The following GAA variants were observed in gnomAD, a reference collection of about 807,000 sequenced individuals.
The protein encoded by GAA is lysosomal alpha-glucosidase.
In GAA, 88 loss-of-function variants were observed where a neutral mutation model predicts 103.9. The observed-to-expected ratio is 0.85, with a 90% CI of 0.71 to 1.01. The LOEUF is 1.01. Among genes scored for constraint, GAA ranks in the 50% least tolerant of loss-of-function variants. The pLI is 0.00. For missense variants in GAA, 1,350 were observed against 1,305.3 expected, an observed-to-expected ratio of 1.03 and a Z score of -0.53; for synonymous variants, 572 against 563.1, an observed-to-expected ratio of 1.02 and a Z score of -0.22.
intron 8 of GAA, 101 bp downstream of exon 8, chr17:80,108,929 G>C (rs1567831219): frequency 1.4e-6 from 2 of 1,402,606 alleles, no homozygotes; most frequent in Non-Finnish European, 1.9e-6. Context: ...TGGTCGCCGA[G>C]GATGTTTTCT....
rs1187416921 is a variant in GAA at position 80,112,059 on chromosome 17, G to A, written c.1713G>A (p.Leu571=). 6.2e-7 allele frequency: 1 copy of A among 1,614,068 alleles called. No homozygotes were observed. Among genetic ancestry groups the A allele is most frequent in the South Asian group, 1.1e-5 (1 of 91,090 alleles). ...SHQFLSTHYN[L]HNLYGLTEAI... is the part of the protein sequence containing the mutation. ...AGTTTCTCTCCACACACTACAACCT[G>A]CACAACCTCTACGGCCTGACCGAAG... Residue 571 remains leucine (L), a synonymous_variant, in exon 12 of 20, where the codon CTG becomes CTA. Transcript: ENST00000302262.
At chr17:80,112,216 C>A in intron 12 of GAA, 116 bp downstream of exon 12, 1 of 1,044,548 alleles carries the variant, frequency 9.6e-7, no homozygotes. Context: ...ACCCGGGGCC[C>A]GCTGGCGGCC....
intron 11 of GAA, 34 bp from the exon 12 acceptor site, chr17:80,111,949 A>G (rs1428834156): frequency 1.3e-6 from 2 of 1,583,378 alleles, no homozygotes; most frequent in Non-Finnish European, 1.7e-6. Flanking sequence ...TGCCGGGAGG[A>G]AGCTCCCTGG....
In GAA at chr17:80,101,788, C is replaced by T. The variant is rs999193565; in HGVS notation, c.-135C>T. 5.9e-5 allele frequency: 9 copies of T among 152,214 alleles called. No individual in the cohort carries two copies. The highest frequency in any genetic ancestry group is 7.3e-5 in the Non-Finnish European group (5 of 68,048). 9.4% of individuals were successfully genotyped at this position (152,214 alleles called of 1,614,324 possible). A position where few individuals can be genotyped will look rare whatever the true frequency, so the allele number is the denominator to read the frequency against. On this transcript the variant is annotated 5_prime_UTR_variant, in exon 1 of 20. Coordinates refer to ENST00000302262, the MANE Select transcript of GAA (RefSeq NM_000152.5). ...AGGTAGGACAGTGACCTCGGTGACG[C>T]GAAGGACCCCGGCCACCTCTAGGTT...
chr17:80,116,466 C>T (rs1046119215), intron 15 of GAA, among the ~76,000 whole-genome samples: 12 of 152,344 alleles, frequency 7.9e-5, no homozygotes, highest in African/African-American at 2.6e-4. Context: ...GGCAGAGCTG[C>T]GTCACAGGGC....
In GAA at chr17:80,118,712, G is replaced by A. The variant is rs2039415234; in HGVS notation, c.2706G>A (p.Gln902=). The A allele has an allele frequency of 1.9e-6, 3 of 1,613,348 alleles. No homozygotes were observed. The highest frequency in any genetic ancestry group is 1.6e-4 in the Middle Eastern group (1 of 6,062). The change falls in exon 19 of 20, where the codon CAG becomes CAA. Residue 902 remains glutamine, a synonymous_variant. Transcript: ENST00000302262. ...VTSEGAGLQL[Q]KVTVLGVATA... ...GTGAGGGAGCTGGCCTGCAGCTGCA[G>A]AAGGTGACTGTCCTGGGCGTGGCCA...
intron 8 of GAA, among the ~76,000 whole-genome samples, chr17:80,109,617 A>G (rs2039180513): frequency 1.1e-5 from 1 of 90,924 alleles, no homozygotes; most frequent in African/African-American, 3.3e-5. Context: ...AGGAGTGGAA[A>G]CACAGACTTT....
chr17:80,118,519 C>T, intron 18 of GAA, 134 bp from the exon 19 acceptor site: 3 of 1,370,974 alleles, frequency 2.2e-6, no homozygotes, highest in East Asian at 4.6e-5. Context: ...GTGCACTCTG[C>T]CCTTTCGTGT....
rs767075458 is a variant in GAA at position 80,110,753 on chromosome 17, C to T, written c.1464C>T (p.Pro488=). 24 of 1,613,992 alleles carry T rather than the reference C, an allele frequency of 1.5e-5. 1 individual carries two copies. The highest frequency in any genetic ancestry group is 5.5e-5 in the South Asian group (5 of 91,088). Residue 488 remains proline (P), a synonymous_variant, in exon 10 of 20, where the codon CCC becomes CCT. Coordinates refer to ENST00000302262, the MANE Select transcript of GAA (RefSeq NM_000152.5). The part of the protein sequence containing the change: ...GKVWPGSTAF[P]DFTNPTALAW... ...TATGGCCCGGGTCCACTGCCTTCCCCGACTTCACCAACCCCACAGCCCTGG... is the reference window on the plus strand; with the variant it reads ...TATGGCCCGGGTCCACTGCCTTCCCTGACTTCACCAACCCCACAGCCCTGG...
At chr17:80,119,067 G>T (rs1162882448) in intron 19 of GAA, among the ~76,000 whole-genome samples, 1 of 152,212 alleles carries the variant, frequency 6.6e-6, no homozygotes, top group Non-Finnish European at 1.5e-5. Context: ...GCGTTAAGGT[G>T]ACCCGCACTG....
At chr17:80,118,120 C>T (rs2039399491) in intron 17 of GAA, 73 bp from the exon 18 acceptor site, 2 of 1,539,544 alleles carry the variant, frequency 1.3e-6, no homozygotes, top group Admixed American at 1.8e-5. Context: ...ACCAGCCTAG[C>T]ATTCCCGGGC....
rs1041767114 is a variant in GAA at position 80,111,032 on chromosome 17, T to C, written c.1636+7T>C. ...AACCCACCCTACGTGCCTGGTCAGC[T>C]CGCCCCCCACCTACCCTGGGGACTT... On this transcript the variant is annotated splice_region_variant and intron_variant, in intron 11 of 19. Coordinates refer to ENST00000302262, the MANE Select transcript of GAA (RefSeq NM_000152.5). 2.0e-5 allele frequency: 32 copies of C among 1,613,152 alleles called. No individual in the cohort carries two copies. Among genetic ancestry groups the C allele is most frequent in the Non-Finnish European group, 2.7e-5 (32 of 1,179,776 alleles).
At chr17:80,111,911 TGGG>T in intron 11 of GAA, 69 bp from the exon 12 acceptor site, 1 of 1,297,890 alleles carries the variant, frequency 7.7e-7, no homozygotes, top group African/African-American at 1.4e-5. Flanking sequence ...TCCTGGGAGG[TGGG>T]GGGCAGGGAG....
chr17:80,117,553 G>A lies in GAA; in HGVS notation c.2332-47G>A. ...GAGCGTGGTTCCTGAGGACAGCATG[G>A]GGGCCTCGGCACGGCCCAGAATCCT... On this transcript the variant is annotated intron_variant, in intron 16 of 19. Transcript: ENST00000302262. 10 of 1,608,578 alleles carry A rather than the reference G, an allele frequency of 6.2e-6. 1 individual carries two copies. Among genetic ancestry groups the A allele is most frequent in the Non-Finnish European group, 8.5e-6 (10 of 1,176,094 alleles).
In GAA at chr17:80,112,975, A is replaced by G; in HGVS notation, c.1988A>G (p.Gln663Arg). Residue 663 changes from glutamine to arginine, a missense_variant, in exon 14 of 20, where the codon CAG becomes CGG. Physicochemically the swap from Gln to Arg is conservative, Grantham distance 43. Transcript: ENST00000302262. ...TSEELCVRWTQLGAFYPFMRN... is the reference protein window; with the variant it reads ...TSEELCVRWTRLGAFYPFMRN... The stretch of plus-strand genomic sequence containing the variant: ...GAGGAGCTGTGTGTGCGCTGGACCC[A>G]GCTGGGGGCCTTCTACCCCTTCATG... 6.2e-7 allele frequency: 1 copy of G among 1,610,852 alleles called. No individual in the cohort carries two copies. Among genetic ancestry groups the G allele is most frequent in the Non-Finnish European group, 8.5e-7 (1 of 1,179,124 alleles).
At position 80,112,998 on chromosome 17, in the gene GAA, A is replaced by G. The variant is rs777494709; in HGVS notation, c.2011A>G (p.Met671Val). The change falls in exon 14 of 20, where the codon ATG becomes GTG. Residue 671 changes from methionine (M) to valine (V), a missense_variant. Physicochemically the swap from Met to Val is conservative, Grantham distance 21. Transcript: ENST00000302262. Reference protein sequence around the residue: ...WTQLGAFYPFMRNHNSLLSLP... With the variant: ...WTQLGAFYPFVRNHNSLLSLP... The stretch of plus-strand genomic sequence containing the variant: ...CCAGCTGGGGGCCTTCTACCCCTTC[A>G]TGCGGAACCACAACAGCCTGCTCAG... 10 of 1,610,980 alleles carry G rather than the reference A, an allele frequency of 6.2e-6. No individual in the cohort carries two copies. Among genetic ancestry groups the G allele is most frequent in the Middle Eastern group, 1.7e-4 (1 of 6,054 alleles).
In GAA at chr17:80,105,755, G is replaced by A; in HGVS notation, c.553G>A (p.Asp185Asn). Residue 185 changes from aspartate (D) to asparagine (N), a missense_variant, in exon 3 of 20, where the codon GAT (aspartate) becomes AAT (asparagine). Asp to Asn is a conservative substitution (Grantham distance 23, BLOSUM62 1). Transcript: ENST00000302262. ...TENRLHFTIKDPANRRYEVPL... is the reference protein window; with the variant it reads ...TENRLHFTIKNPANRRYEVPL... ...AAACCCCCATCTCTTCTAGATCAAA[G>A]ATCCAGCTAACAGGCGCTACGAGGT... 6.2e-7 allele frequency: 1 copy of A among 1,612,334 alleles called. No homozygotes were observed.
chr17:80,106,284 C>G (rs1242618720), intron 3 of GAA, among the ~76,000 whole-genome samples: 1 of 152,224 alleles, frequency 6.6e-6, no homozygotes, highest in Non-Finnish European at 1.5e-5. Flanking sequence ...GGATCCTGCT[C>G]CCGGGGACAG....
At chr17:80,106,136 C>G (rs2039081405) in intron 3 of GAA, among the ~76,000 whole-genome samples, 1 of 152,216 alleles carries the variant, frequency 6.6e-6, no homozygotes. Context: ...TGTCATTTAA[C>G]TCAGGAAAAC....
Sources: allele counts gnomAD v4.1 joint callset (sites outside exome capture counted in the v4.1 genomes callset), GRCh38; gene constraint gnomAD v4.1.1; transcripts MANE v1.5; gene names NCBI Gene and HGNC (gene_info 2026-07-23, HGNC 2026-07-21).